Variants in DENND1A observed in about 807,000 individuals in gnomAD.
DENND1A encodes DENN domain-containing protein 1A.
A neutral mutation model predicts 113.7 loss-of-function variants in DENND1A; 51 were observed. The ratio of observed to expected loss-of-function variants is 0.45; its 90% CI spans 0.36 to 0.57. The LOEUF is 0.57. Ranked by LOEUF, DENND1A falls within the 20% of genes least tolerant of loss-of-function variation. DENND1A has a pLI of 0.00. For missense variants in DENND1A, 1,258 were observed against 1,395.9 expected (o/e 0.90, Z 1.57); for synonymous variants, 565 against 570.8 (o/e 0.99, Z 0.14).
At chr9:123,776,472 T>G (rs1158208960) in intron 3 of DENND1A, among the ~76,000 whole-genome samples, 2 of 152,226 alleles carry the variant, frequency 1.3e-5, no homozygotes, top group Non-Finnish European at 2.9e-5. Context: ...GTGGCTATAC[T>G]TTTAACTTGT....
At chr9:123,721,404 T>C (rs2067324840) in intron 5 of DENND1A, among the ~76,000 whole-genome samples, 1 of 152,220 alleles carries the variant, frequency 6.6e-6, no homozygotes, top group Admixed American at 6.5e-5. Context: ...CTGCCTATCA[T>C]GCTCTGCCTT....
chr9:123,450,255 G>C (rs1427352834), intron 18 of DENND1A, among the ~76,000 whole-genome samples: 1 of 152,192 alleles, frequency 6.6e-6, no homozygotes, highest in Non-Finnish European at 1.5e-5. Context: ...CCCCTATGCT[G>C]TGTCTGGGCG....
chr9:123,677,160 C>A (rs2064130173), intron 5 of DENND1A, among the ~76,000 whole-genome samples: 1 of 151,018 alleles, frequency 6.6e-6, no homozygotes, highest in African/African-American at 2.5e-5. Flanking sequence ...ATGGGACAGA[C>A]ACAGACACAG....
chr9:123,754,276 T>G (rs765167803), intron 5 of DENND1A, among the ~76,000 whole-genome samples: 1 of 152,166 alleles, frequency 6.6e-6, no homozygotes, highest in Non-Finnish European at 1.5e-5. Flanking sequence ...CACTCCCCAG[T>G]GGATACACCG....
intron 6 of DENND1A, among the ~76,000 whole-genome samples, chr9:123,674,744 C>T (rs2063962206): frequency 6.6e-6 from 1 of 152,170 alleles, no homozygotes. Context: ...AATCCAATCT[C>T]CCATATGTGT....
intron 5 of DENND1A, among the ~76,000 whole-genome samples, chr9:123,689,969 A>G (rs929384747): frequency 6.6e-6 from 1 of 150,772 alleles, no homozygotes; most frequent in African/African-American, 2.4e-5. Flanking sequence ...AGCCTGAGTG[A>G]CACAGCAAGA....
chr9:123,820,987 GA>G (rs1838369225), intron 2 of DENND1A, among the ~76,000 whole-genome samples: 3 of 152,074 alleles, frequency 2.0e-5, no homozygotes, highest in Non-Finnish European at 4.4e-5. Context: ...GCATACCATT[GA>G]AAAAATATTT....
At chr9:123,774,432 C>G (rs573136606) in intron 3 of DENND1A, among the ~76,000 whole-genome samples, 1 of 152,210 alleles carries the variant, frequency 6.6e-6, no homozygotes, top group African/African-American at 2.4e-5. Flanking sequence ...TAATTAGCAC[C>G]AAGTTCAAGA....
Position 123,841,748 on chromosome 9 carries a change from T to C in DENND1A, c.88+37203A>G, listed in dbSNP as rs1335234129. Among the ~76,000 whole-genome samples, 5 of 152,246 alleles carry C rather than the reference T, an allele frequency of 3.3e-5. No homozygotes were observed. In the East Asian group the frequency reaches 5.8e-4, roughly 18 times the overall value. On this transcript the variant is annotated intron_variant, in intron 2 of 23. Coordinates refer to ENST00000394215, the MANE Select transcript of DENND1A (RefSeq NM_001352964.2). ...GTGAGAAAGAGGTTTAGGACAATGA[T>C]AGTTGAGAAGAAATACCTAGTTTTT...
intron 2 of DENND1A, among the ~76,000 whole-genome samples, chr9:123,798,056 T>A (rs901160044): frequency 6.6e-6 from 1 of 152,172 alleles, no homozygotes; most frequent in African/African-American, 2.4e-5. Context: ...CTTTAGCACA[T>A]GAAGGCTGTA....
chr9:123,903,309 G>A (rs1852043396), intron 1 of DENND1A, among the ~76,000 whole-genome samples: 1 of 128,866 alleles, frequency 7.8e-6, no homozygotes, highest in Non-Finnish European at 1.5e-5. Flanking sequence ...TCCAGCCTGG[G>A]CGACAGAGCG....
intron 5 of DENND1A, among the ~76,000 whole-genome samples, chr9:123,691,536 T>G (rs1274102914): frequency 6.7e-5 from 10 of 148,664 alleles, no homozygotes; most frequent in Non-Finnish European, 1.3e-4. Context: ...TGTCTCTTTG[T>G]GTGATTTTTT....
chr9:123,902,062 T>A (rs529423959), intron 1 of DENND1A, among the ~76,000 whole-genome samples: 2 of 151,896 alleles, frequency 1.3e-5, no homozygotes, highest in African/African-American at 4.8e-5. Context: ...AAAGAAAATA[T>A]CCAAATATCG....
intron 10 of DENND1A, among the ~76,000 whole-genome samples, chr9:123,615,447 T>A (rs1320315155): frequency 6.6e-6 from 1 of 152,180 alleles, no homozygotes; most frequent in Non-Finnish European, 1.5e-5. Context: ...TCTAACCTGC[T>A]CCCTAAGGGC....
Position 123,852,018 on chromosome 9 carries a change from G to A in DENND1A, c.88+26933C>T, listed in dbSNP as rs1219712253. Among the ~76,000 whole-genome samples the A allele has an allele frequency of 1.9e-4, 29 of 152,166 alleles. 1 individual carries two copies. Among genetic ancestry groups the A allele is most frequent in the Admixed American group, 1.9e-3 (29 of 15,282 alleles). On this transcript the variant is annotated intron_variant, in intron 2 of 23. Coordinates refer to ENST00000394215, the MANE Select transcript of DENND1A (RefSeq NM_001352964.2). ...TCAGGAAACTTCCAACATTTGCCCA[G>A]CGTATTTGGGGACCGCTATTGAGTG... is the stretch of plus-strand genomic sequence containing the variant.
At chr9:123,898,010 TA>T (rs1038504941) in intron 1 of DENND1A, among the ~76,000 whole-genome samples, 7 of 150,642 alleles carry the variant, frequency 4.6e-5, no homozygotes, top group Admixed American at 4.0e-4. Flanking sequence ...AGTCAACAAC[TA>T]AAAAAAATTT....
At chr9:123,440,827 C>G (rs1430985103) in intron 18 of DENND1A, among the ~76,000 whole-genome samples, 1 of 152,190 alleles carries the variant, frequency 6.6e-6, no homozygotes, top group Non-Finnish European at 1.5e-5. Flanking sequence ...TACTTGCAAT[C>G]ACAGCTCATG....
At chr9:123,542,121 G>T (rs1231852247) in intron 13 of DENND1A, among the ~76,000 whole-genome samples, 2 of 151,672 alleles carry the variant, frequency 1.3e-5, no homozygotes, top group Non-Finnish European at 2.9e-5. Context: ...ACTGAAGTTT[G>T]GGGGGTAGTC....
At chr9:123,650,906 C>CAAAAA (rs76905879) in intron 9 of DENND1A, among the ~76,000 whole-genome samples, 5 of 35,658 alleles carry the variant, frequency 1.4e-4, no homozygotes, top group Non-Finnish European at 2.8e-4. Flanking sequence ...GACTCTGTCT[C>CAAAAA]AAAAAAAAAA....
Sources: allele counts gnomAD v4.1 joint callset (sites outside exome capture counted in the v4.1 genomes callset), GRCh38; gene constraint gnomAD v4.1.1; transcripts MANE v1.5; gene names NCBI Gene and HGNC (gene_info 2026-07-23, HGNC 2026-07-21).